CLTA: variants seen among roughly 807,000 people sequenced by gnomAD.
CLTA encodes clathrin light chain A, also known as clathrin, light polypeptide (Lca).
Under a neutral mutation model 26.9 loss-of-function variants are expected in CLTA, and 9 were observed. That is an observed-to-expected ratio of 0.33 (90% CI 0.20 to 0.58). The LOEUF (loss-of-function observed/expected upper bound fraction) is 0.58, where lower values mean the gene tolerates loss of function less well. CLTA is among the 20% of genes least tolerant of loss of function. The pLI is 0.85. For missense variants in CLTA, 278 were observed against 294.2 expected, an observed-to-expected ratio of 0.94 and a Z score of 0.40; for synonymous variants, 120 against 115.5, an observed-to-expected ratio of 1.04 and a Z score of -0.25.
At position 36,199,683 on chromosome 9, in the gene CLTA, T is replaced by A. The variant is rs568976983; in HGVS notation, c.373+587T>A. On this transcript the variant is annotated intron_variant, in intron 3 of 4. Coordinates refer to ENST00000345519, the MANE Select transcript of CLTA (RefSeq NM_001833.4). ...GTTAGCCAGGTTGGTCTCGATCTCC[T>A]GACCTTGTGATCCACACACCTTGGC... 4.1e-4 allele frequency among the ~76,000 whole-genome samples: 63 copies of A among 152,004 alleles called. No individual in the cohort carries two copies. In the South Asian group the frequency reaches 4.6e-3, roughly 11 times the overall value.
At chr9:36,204,925 T>G (rs1307845589) in intron 4 of CLTA, among the ~76,000 whole-genome samples, 1 of 152,178 alleles carries the variant, frequency 6.6e-6, no homozygotes, top group Admixed American at 6.5e-5. Context: ...CACTGAATAG[T>G]CAATCCATTC....
intron 3 of CLTA, among the ~76,000 whole-genome samples, chr9:36,200,833 G>A (rs924446108): frequency 1.3e-5 from 2 of 152,164 alleles, no homozygotes; most frequent in Non-Finnish European, 2.9e-5. Flanking sequence ...CATTGAAGTA[G>A]CCACATGTAG....
chr9:36,190,950 GTCC>G lies in CLTA; in HGVS notation c.-101_-99del. The G allele has an allele frequency of 7.0e-7, 1 of 1,433,762 alleles. No individual in the cohort carries two copies. Among genetic ancestry groups the G allele is most frequent in the Non-Finnish European group, 9.1e-7 (1 of 1,102,258 alleles). The allele number at this position is 1,433,762 out of a possible 1,614,324, so 88.8% of individuals were successfully genotyped here. On this transcript the variant is annotated 5_prime_UTR_variant, in exon 1 of 5. Coordinates refer to ENST00000345519, the MANE Select transcript of CLTA (RefSeq NM_001833.4). ...TTTACCCGTCTCCCTCCTGGCGCTT[GTCC>G]TCCTCTCCCAGTCGGCACCACAGCG...
chr9:36,205,020 A>G (rs984247634), intron 4 of CLTA, among the ~76,000 whole-genome samples: 1 of 152,206 alleles, frequency 6.6e-6, no homozygotes, highest in African/African-American at 2.4e-5. Context: ...ATGCAGAGGC[A>G]GGAAGCAGGT....
At chr9:36,195,279 C>T (rs1043696886) in intron 1 of CLTA, among the ~76,000 whole-genome samples, 7 of 152,120 alleles carry the variant, frequency 4.6e-5, no homozygotes, top group East Asian at 3.9e-4. Context: ...AAGAAAAAGT[C>T]GATCATGTCT....
At chr9:36,192,166 C>T (rs931898762) in intron 1 of CLTA, among the ~76,000 whole-genome samples, 1 of 152,098 alleles carries the variant, frequency 6.6e-6, no homozygotes, top group African/African-American at 2.4e-5. Flanking sequence ...TTTTCATTCA[C>T]TTAAAAAATT....
At chr9:36,199,120 G>C in intron 3 of CLTA, 24 bp downstream of exon 3, 1 of 1,496,818 alleles carries the variant, frequency 6.7e-7, no homozygotes. Flanking sequence ...TCTGTGTTTT[G>C]GTGTCTGTTT....
intron 4 of CLTA, 142 bp from the exon 5 acceptor site, chr9:36,211,461 C>A: frequency 1.8e-6 from 2 of 1,129,804 alleles, no homozygotes; most frequent in Non-Finnish European, 1.3e-6. Context: ...TGAGTCTGAC[C>A]TGGGCCAGGG....
At chr9:36,202,297 C>A (rs1430423047) in intron 3 of CLTA, among the ~76,000 whole-genome samples, 1 of 152,144 alleles carries the variant, frequency 6.6e-6, no homozygotes, top group Non-Finnish European at 1.5e-5. Context: ...TACACACAGC[C>A]TTTTGCAGGT....
intron 3 of CLTA, among the ~76,000 whole-genome samples, chr9:36,199,733 C>T (rs1215652496): frequency 1.3e-5 from 2 of 152,038 alleles, no homozygotes; most frequent in African/African-American, 4.8e-5. Context: ...GGATTACAGG[C>T]GTGAGCCACC....
rs1479373697 is a variant in CLTA, at chr9:36,191,080, C to T, written c.24C>T (p.Gly8=). The change falls in exon 1 of 5, where the codon GGC becomes GGT. Residue 8 remains glycine (G), a synonymous_variant. Coordinates refer to ENST00000345519, the MANE Select transcript of CLTA (RefSeq NM_001833.4). The part of the protein sequence containing the change: MAELDPF[G]APAGAPGGPA... ...CCATGGCTGAGCTGGATCCGTTCGG[C>T]GCCCCTGCCGGCGCCCCTGGCGGTC... The T allele has an allele frequency of 5.1e-6, 8 of 1,582,454 alleles. No homozygotes were observed. Among genetic ancestry groups the T allele is most frequent in the Non-Finnish European group, 5.1e-6 (6 of 1,171,598 alleles).
At chr9:36,201,351 C>T (rs1017496361) in intron 3 of CLTA, among the ~76,000 whole-genome samples, 1 of 152,176 alleles carries the variant, frequency 6.6e-6, no homozygotes, top group African/African-American at 2.4e-5. Context: ...TTTCTTTTCT[C>T]TGACCAGTAA....
At chr9:36,210,561 C>T in intron 4 of CLTA, 2 of 1,612,622 alleles carry the variant, frequency 1.2e-6, no homozygotes, top group Non-Finnish European at 1.7e-6. Flanking sequence ...GCATTGAGCT[C>T]ATTCTCATTT....
At chr9:36,206,644 C>T (rs779454734) in intron 4 of CLTA, among the ~76,000 whole-genome samples, 22 of 152,028 alleles carry the variant, frequency 1.4e-4, no homozygotes, top group Non-Finnish European at 2.8e-4. Context: ...TCTGTAATTC[C>T]AGCACATTGG....
intron 4 of CLTA, among the ~76,000 whole-genome samples, chr9:36,209,695 G>T (rs1827929248): frequency 6.6e-6 from 1 of 152,206 alleles, no homozygotes; most frequent in Admixed American, 6.5e-5. Flanking sequence ...TGGGAAGGAG[G>T]TTTCCCCACC....
intron 4 of CLTA, chr9:36,209,152 G>A: frequency 1.6e-6 from 2 of 1,272,242 alleles, no homozygotes. Context: ...AGCCTTGGGA[G>A]CAGCTCCTCA....
intron 1 of CLTA, among the ~76,000 whole-genome samples, chr9:36,194,057 G>A (rs1040929052): frequency 6.6e-6 from 1 of 152,068 alleles, no homozygotes; most frequent in African/African-American, 2.4e-5. Flanking sequence ...TGAGACAGTC[G>A]CTCTGTCACC....
At chr9:36,202,542 A>G (rs1219986164) in intron 3 of CLTA, among the ~76,000 whole-genome samples, 1 of 152,210 alleles carries the variant, frequency 6.6e-6, no homozygotes, top group African/African-American at 2.4e-5. Flanking sequence ...CTTTGGAGGA[A>G]GCATAATGAG....
chr9:36,200,383 C>T (rs1199839029), intron 3 of CLTA, among the ~76,000 whole-genome samples: 1 of 152,156 alleles, frequency 6.6e-6, no homozygotes, highest in East Asian at 1.9e-4. Flanking sequence ...ATAAAGACAT[C>T]ATATACTTTG....
Sources: allele counts gnomAD v4.1 joint callset (sites outside exome capture counted in the v4.1 genomes callset), GRCh38; gene constraint gnomAD v4.1.1; transcripts MANE v1.5; gene names NCBI Gene and HGNC (gene_info 2026-07-23, HGNC 2026-07-21).